The following NPAS3 variants were observed in gnomAD, a reference collection of about 807,000 sequenced individuals.
NPAS3 encodes neuronal PAS domain-containing protein 3.
In NPAS3, 14 loss-of-function variants were observed where a neutral mutation model predicts 73.1. The observed-to-expected ratio is 0.19, with a 90% confidence interval of 0.13 to 0.30. The LOEUF is 0.30. Ranked by LOEUF, NPAS3 falls within the 10% of genes least tolerant of loss-of-function variation. NPAS3 has a pLI of 1.00. For missense variants in NPAS3, 1,096 were observed against 1,250.0 expected (o/e 0.88, Z 1.86); for synonymous variants, 620 against 541.5 (o/e 1.14, Z -2.01).
intron 4 of NPAS3, among the ~76,000 whole-genome samples, chr14:33,530,352 CTTTA>C (rs1273161510): frequency 2.0e-5 from 3 of 152,124 alleles, no homozygotes; most frequent in African/African-American, 7.2e-5. Context: ...AGCAATTTTC[CTTTA>C]TTTATCTTAG....
At chr14:32,975,860 C>CAT (rs2037646678) in intron 1 of NPAS3, among the ~76,000 whole-genome samples, 1 of 145,636 alleles carries the variant, frequency 6.9e-6, no homozygotes, top group Non-Finnish European at 1.5e-5. Flanking sequence ...TGGTGAGGGG[C>CAT]GTGTGTGTGT....
chr14:33,444,629 G>C (rs1005851138), intron 4 of NPAS3, among the ~76,000 whole-genome samples: 3 of 152,260 alleles, frequency 2.0e-5, no homozygotes, highest in African/African-American at 7.2e-5. Flanking sequence ...TCCCATGGCA[G>C]AGTCGGGTTA....
intron 3 of NPAS3, among the ~76,000 whole-genome samples, chr14:33,333,656 G>A (rs1454479964): frequency 6.6e-6 from 1 of 152,086 alleles, no homozygotes; most frequent in African/African-American, 2.4e-5. Flanking sequence ...CATTTGGGTG[G>A]ATTGGTTTCA....
chr14:33,307,034 A>G (rs944917378), intron 3 of NPAS3, among the ~76,000 whole-genome samples: 4 of 152,154 alleles, frequency 2.6e-5, no homozygotes, highest in African/African-American at 9.7e-5. Flanking sequence ...TTGTGTGACT[A>G]AGGCTCTGAC....
At chr14:33,221,609 C>T (rs2047431830) in intron 3 of NPAS3, among the ~76,000 whole-genome samples, 1 of 151,980 alleles carries the variant, frequency 6.6e-6, no homozygotes, top group Non-Finnish European at 1.5e-5. Context: ...GAGAGCTTGT[C>T]TCTAAAATTT....
Position 33,800,036 on chromosome 14 carries a change from T to C in NPAS3, c.1729T>C (p.Ser577Pro). 1 of 1,609,416 alleles carries C rather than the reference T, an allele frequency of 6.2e-7. No homozygotes were observed. The highest frequency in any genetic ancestry group is 8.5e-7 in the Non-Finnish European group (1 of 1,179,482). Residue 577 changes from serine to proline, a missense_variant, in exon 12 of 12, where the codon TCC becomes CCC. Ser to Pro is a moderately conservative substitution (Grantham distance 74, BLOSUM62 -1). Coordinates refer to ENST00000356141, the Ensembl canonical transcript of NPAS3. The surrounding 1 kb of genome is among the most constrained non-coding windows in gnomAD (Gnocchi z 6.5). ...GCTGCAGAACTGCGAGTCACTCACG[T>C]CCGACAGCGCCAAGGACTCGGACAG...
chr14:32,941,191 C>CCCCCT (rs1238837850), intron 1 of NPAS3, among the ~76,000 whole-genome samples: 1 of 94,164 alleles, frequency 1.1e-5, no homozygotes, highest in Non-Finnish European at 2.1e-5. Context: ...TGGTTTTCTT[C>CCCCCT]CCCCTCCCCT....
intron 4 of NPAS3, among the ~76,000 whole-genome samples, chr14:33,471,845 G>A (rs1016762838): frequency 7.2e-5 from 11 of 152,206 alleles, no homozygotes; most frequent in Admixed American, 3.3e-4. Context: ...AGCGAGAGAA[G>A]CTTCATCTGT....
At chr14:33,357,610 C>A (rs1216874237) in intron 3 of NPAS3, among the ~76,000 whole-genome samples, 1 of 152,226 alleles carries the variant, frequency 6.6e-6, no homozygotes, top group African/African-American at 2.4e-5. Context: ...AGAGAGCTGA[C>A]ATGTGCTTAG....
At chr14:33,057,348 T>C (rs1015803003) in intron 2 of NPAS3, among the ~76,000 whole-genome samples, 1 of 152,234 alleles carries the variant, frequency 6.6e-6, no homozygotes, top group Non-Finnish European at 1.5e-5. Context: ...TCATTTATTG[T>C]GGCTCTTGGT....
chr14:33,037,309 T>TA (rs2040200883), intron 1 of NPAS3, among the ~76,000 whole-genome samples: 1 of 152,054 alleles, frequency 6.6e-6, no homozygotes, highest in Non-Finnish European at 1.5e-5. Flanking sequence ...ATTATTATAC[T>TA]AGCCAACATA....
intron 4 of NPAS3, among the ~76,000 whole-genome samples, chr14:33,509,975 T>G (rs1345262180): frequency 6.6e-6 from 1 of 151,972 alleles, no homozygotes; most frequent in Non-Finnish European, 1.5e-5. Flanking sequence ...TCCAAAGCTT[T>G]TATATCCTGA....
intron 4 of NPAS3, among the ~76,000 whole-genome samples, chr14:33,370,107 C>A (rs927864527): frequency 6.6e-6 from 1 of 152,160 alleles, no homozygotes; most frequent in Non-Finnish European, 1.5e-5. Flanking sequence ...TCCCCTTCAT[C>A]CCCCACAAGT....
chr14:33,183,777 G>A (rs759072681), intron 2 of NPAS3, among the ~76,000 whole-genome samples: 1 of 152,058 alleles, frequency 6.6e-6, no homozygotes, highest in Non-Finnish European at 1.5e-5. Flanking sequence ...TCTGTTGGAC[G>A]ACTTTTAAGG....
At chr14:33,394,808 G>A (rs1021590208) in intron 4 of NPAS3, among the ~76,000 whole-genome samples, 2 of 152,112 alleles carry the variant, frequency 1.3e-5, no homozygotes, top group Non-Finnish European at 2.9e-5. Flanking sequence ...GATCGATCAG[G>A]TTGATAAGTG....
intron 4 of NPAS3, among the ~76,000 whole-genome samples, chr14:33,467,892 C>T (rs529609844): frequency 2.6e-5 from 4 of 152,300 alleles, no homozygotes; most frequent in African/African-American, 9.6e-5. Context: ...ATCATGCTTG[C>T]AACACGCACG....
At chr14:33,197,727 G>A (rs1001784769) in intron 2 of NPAS3, among the ~76,000 whole-genome samples, 6 of 152,064 alleles carry the variant, frequency 3.9e-5, no homozygotes, top group African/African-American at 1.4e-4. Flanking sequence ...TCCAAATCTT[G>A]GAGAGATTTA....
intron 3 of NPAS3, among the ~76,000 whole-genome samples, chr14:33,300,889 C>T (rs955445550): frequency 3.3e-5 from 5 of 152,128 alleles, no homozygotes; most frequent in Admixed American, 6.5e-5. Flanking sequence ...CTGAGTCCCC[C>T]AGCACCCCTC....
chr14:33,184,081 T>C (rs535120526), intron 2 of NPAS3, among the ~76,000 whole-genome samples: 2 of 152,320 alleles, frequency 1.3e-5, no homozygotes, highest in South Asian at 4.1e-4. Flanking sequence ...CCCTGAGCTA[T>C]AGTTCCTGCC....
Sources: gnomAD v4.1 joint callset for allele counts (sites outside exome capture counted in the v4.1 genomes callset) on GRCh38, gnomAD v4.1.1 for gene constraint, Gnocchi (gnomAD v3.1) non-coding constraint, MANE v1.5 for transcripts, NCBI Gene and HGNC (gene_info 2026-07-23, HGNC 2026-07-21) for gene names.